Variants in CNOT7 observed in about 807,000 individuals in gnomAD.
CNOT7 encodes CCR4-NOT transcription complex subunit 7.
CNOT7 carries 4 observed loss-of-function variants against 37.1 expected under a neutral mutation model. The ratio of observed to expected loss-of-function variants is 0.11; its 90% CI spans 0.05 to 0.25. CNOT7 has a LOEUF of 0.25. CNOT7 is among the 10% of genes least tolerant of loss of function. The pLI, the probability that CNOT7 is intolerant of heterozygous loss-of-function variation, is 1.00. For missense variants in CNOT7, 170 were observed against 336.2 expected (o/e 0.51, Z 3.87); for synonymous variants, 128 against 115.6 (o/e 1.11, Z -0.69).
At chr8:17,237,898 T>TTTG (rs1217439689) in intron 3 of CNOT7, among the ~76,000 whole-genome samples, 2 of 152,240 alleles carry the variant, frequency 1.3e-5, no homozygotes, top group Non-Finnish European at 2.9e-5. Context: ...AGATGCCTCC[T>TTTG]TTCACAAATG....
In CNOT7 at chr8:17,228,360, A is replaced by T. The variant is rs1022739138; in HGVS notation, c.*2360T>A. 2 of 151,964 alleles carry T rather than the reference A, an allele frequency of 1.3e-5. No homozygotes were observed. The highest frequency in any genetic ancestry group is 2.4e-5 in the African/African-American group (1 of 41,442). 9.4% of individuals were successfully genotyped at this position (151,964 alleles called of 1,614,324 possible). Reference sequence around the variant, plus strand: ...ACATTGAGACTGTCTGGAACAAAATAAAAAAGTAAAACTTAGACCCAGTAA... The same window carrying T: ...ACATTGAGACTGTCTGGAACAAAATTAAAAAGTAAAACTTAGACCCAGTAA... On this transcript the variant is annotated 3_prime_UTR_variant, in exon 7 of 7. Transcript: ENST00000361272.
At chr8:17,234,505 C>G (rs926345764) in intron 5 of CNOT7, 10 of 519,698 alleles carry the variant, frequency 1.9e-5, no homozygotes, top group Non-Finnish European at 3.1e-5. Context: ...GTTGAAAATT[C>G]TGCCTTCTGC....
At chr8:17,233,056 C>T (rs917395337) in intron 5 of CNOT7, among the ~76,000 whole-genome samples, 6 of 152,102 alleles carry the variant, frequency 3.9e-5, no homozygotes, top group African/African-American at 1.4e-4. Context: ...TATATGCACA[C>T]AACTCCTTAG....
Position 17,227,097 on chromosome 8 carries a change from A to G in CNOT7, c.*3623T>C, listed in dbSNP as rs1247422276. 3 of 151,834 alleles carry G rather than the reference A, an allele frequency of 2.0e-5. No homozygotes were observed. Among genetic ancestry groups the G allele is most frequent in the East Asian group, 3.8e-4 (2 of 5,204 alleles). 9.4% of individuals were successfully genotyped at this position (151,834 alleles called of 1,614,324 possible). A position where few individuals can be genotyped will look rare whatever the true frequency, so the allele number is the denominator to read the frequency against. ...ACTGTTGACCAGTTCAGTAACACCA[A>G]TATTTCCTGTGAAGTACCTGCTGAT... On this transcript the variant is annotated 3_prime_UTR_variant, in exon 7 of 7. Coordinates refer to ENST00000361272, the MANE Select transcript of CNOT7 (RefSeq NM_013354.7).
chr8:17,226,982 T>C lies in CNOT7; in HGVS notation c.*3738A>G, dbSNP rs1808200959. ...AGCCATTGAACGCCTGTGTGGCAAA[T>C]CAAATCAGGATATTCAGCTTCTGTT... On this transcript the variant is annotated 3_prime_UTR_variant, in exon 7 of 7. Coordinates refer to ENST00000361272, the MANE Select transcript of CNOT7 (RefSeq NM_013354.7). 6.7e-6 allele frequency: 1 copy of C among 148,712 alleles called. No homozygotes were observed. The highest frequency in any genetic ancestry group is 1.5e-5 in the Non-Finnish European group (1 of 66,694). The allele number at this position is 148,712 out of a possible 1,614,324, so 9.2% of individuals were successfully genotyped here.
Position 17,237,319 on chromosome 8 carries a change from C to T in CNOT7, c.366G>A (p.Gln122=), listed in dbSNP as rs759942846. Residue 122 remains glutamine, a synonymous_variant, in exon 4 of 7, where the codon CAG becomes CAA. Transcript: ENST00000361272. Reference sequence around the variant, plus strand: ...TTCCTTCCTCCTCATGTTTTTTAAACTGGATACCAGATGTTGTTAGTAGCT... The same window carrying T: ...TTCCTTCCTCCTCATGTTTTTTAAATTGGATACCAGATGTTGTTAGTAGCT... The part of the protein sequence containing the change: ...SIELLTTSGI[Q]FKKHEEEGIE... The T allele has an allele frequency of 4.3e-6, 7 of 1,614,072 alleles. No homozygotes were observed. The highest frequency in any genetic ancestry group is 5.9e-6 in the Non-Finnish European group (7 of 1,179,962).
At position 17,227,367 on chromosome 8, in the gene CNOT7, G is replaced by C. The variant is rs1374939948; in HGVS notation, c.*3353C>G. The C allele has an allele frequency of 6.6e-6, 1 of 151,780 alleles. No homozygotes were observed. 9.4% of individuals were successfully genotyped at this position (151,780 alleles called of 1,614,324 possible). On this transcript the variant is annotated 3_prime_UTR_variant, in exon 7 of 7. Coordinates refer to ENST00000361272, the MANE Select transcript of CNOT7 (RefSeq NM_013354.7). ...AATGGTTTCTCAAAAAATAAAGCTAGGCAGTACTGACTAGTAAGAGGCAAA... is the reference window on the plus strand; with the variant it reads ...AATGGTTTCTCAAAAAATAAAGCTACGCAGTACTGACTAGTAAGAGGCAAA...
At chr8:17,246,457 C>G (rs948565454) in intron 1 of CNOT7, 1 of 153,002 alleles carries the variant, frequency 6.5e-6, no homozygotes, top group Non-Finnish European at 1.5e-5. Context: ...CTGCGAAGCC[C>G]CAGGTACAAA....
At chr8:17,236,795 T>C (rs1274775168) in intron 4 of CNOT7, among the ~76,000 whole-genome samples, 1 of 152,212 alleles carries the variant, frequency 6.6e-6, no homozygotes, top group Admixed American at 6.5e-5. Context: ...CCTTAGTTCC[T>C]AGAATCTCAT....
At chr8:17,243,669 ATT>A (rs759886987) in intron 2 of CNOT7, 14 of 456,238 alleles carry the variant, frequency 3.1e-5, no homozygotes, top group Non-Finnish European at 6.2e-5. Context: ...CTTAAACAAT[ATT>A]CTCTCTATAG....
In CNOT7 at chr8:17,229,660, TTTG is replaced by T. The variant is rs1255653878; in HGVS notation, c.*1057_*1059del. ...TATATATATGAGAATATATATATATTTTGTTGTTTTGTACCAAATCTCTCCATT... is the reference window on the plus strand; with the variant it reads ...TATATATATGAGAATATATATATATTTTGTTTTGTACCAAATCTCTCCATT... On this transcript the variant is annotated 3_prime_UTR_variant, in exon 7 of 7. Coordinates refer to ENST00000361272, the MANE Select transcript of CNOT7 (RefSeq NM_013354.7). 3 of 151,564 alleles carry T rather than the reference TTTG, an allele frequency of 2.0e-5. No individual in the cohort carries two copies. Among genetic ancestry groups the T allele is most frequent in the South Asian group, 2.1e-4 (1 of 4,822 alleles). 9.4% of individuals were successfully genotyped at this position (151,564 alleles called of 1,614,324 possible). A position where few individuals can be genotyped will look rare whatever the true frequency, so the allele number is the denominator to read the frequency against.
chr8:17,234,218 C>T (rs536871196), intron 5 of CNOT7, among the ~76,000 whole-genome samples: 2 of 152,226 alleles, frequency 1.3e-5, no homozygotes, highest in Admixed American at 1.3e-4. Context: ...ATAGTTTAAT[C>T]CTAGGAGCAT....
chr8:17,233,610 G>C (rs953175002), intron 5 of CNOT7, among the ~76,000 whole-genome samples: 2 of 152,010 alleles, frequency 1.3e-5, no homozygotes, highest in South Asian at 2.1e-4. Flanking sequence ...TAAAAAAAAA[G>C]TCAGATGAAA....
chr8:17,237,151 G>GT (rs1809481362), intron 4 of CNOT7, 61 bp downstream of exon 4: 4 of 1,521,932 alleles, frequency 2.6e-6, no homozygotes, highest in Admixed American at 1.7e-5. Context: ...AGTGACCCAA[G>GT]TAAGTGTGGA....
intron 1 of CNOT7, 57 bp from the exon 2 acceptor site, chr8:17,245,304 T>G (rs1810769980): frequency 2.7e-6 from 2 of 744,430 alleles, no homozygotes; most frequent in Non-Finnish European, 3.9e-6. Flanking sequence ...AATCACAGAA[T>G]AATTGATCCA....
intron 4 of CNOT7, 123 bp from the exon 5 acceptor site, chr8:17,234,983 G>C (rs2150979640): frequency 1.4e-6 from 1 of 728,880 alleles, no homozygotes; most frequent in East Asian, 2.7e-5. Flanking sequence ...ACATTAAAGA[G>C]AAGTGCACAC....
rs1163815769 is a variant in CNOT7 at position 17,227,154 on chromosome 8, A to T, written c.*3566T>A. On this transcript the variant is annotated 3_prime_UTR_variant, in exon 7 of 7. Transcript: ENST00000361272. ...TCAAGTGAGTAACTACAGGCTTTAA[A>T]CAACTTACGTTTTCACAAGCCTTAA... 1.3e-5 allele frequency: 2 copies of T among 151,884 alleles called. No individual in the cohort carries two copies. The highest frequency in any genetic ancestry group is 6.6e-5 in the Admixed American group (1 of 15,226). 9.4% of individuals were successfully genotyped at this position (151,884 alleles called of 1,614,324 possible).
chr8:17,237,687 A>G (rs1809563126), intron 3 of CNOT7: 1 of 221,026 alleles, frequency 4.5e-6, no homozygotes, highest in East Asian at 9.6e-5. Context: ...CCTATTCACC[A>G]GGGGCTACCG....
intron 6 of CNOT7, 90 bp downstream of exon 6, chr8:17,232,337 G>C: frequency 1.2e-6 from 2 of 1,604,132 alleles, no homozygotes; most frequent in Non-Finnish European, 1.7e-6. Context: ...TTACTTAGTA[G>C]GTACTTGTTG....
Sources: gnomAD v4.1 joint callset for allele counts (sites outside exome capture counted in the v4.1 genomes callset) on GRCh38, gnomAD v4.1.1 for gene constraint, MANE v1.5 for transcripts, NCBI Gene and HGNC (gene_info 2026-07-23, HGNC 2026-07-21) for gene names.